TXNDC16: variants seen among roughly 807,000 people sequenced by gnomAD.
TXNDC16 encodes thioredoxin domain-containing protein 16.
TXNDC16 carries 74 observed loss-of-function variants against 85.6 expected under a neutral mutation model. The ratio of observed to expected loss-of-function variants is 0.86; its 90% CI spans 0.72 to 1.05. The LOEUF (loss-of-function observed/expected upper bound fraction) is 1.05, where lower values mean the gene tolerates loss of function less well. Among genes scored for constraint, TXNDC16 ranks in the 50% least tolerant of loss-of-function variants. TXNDC16 has a pLI of 0.00. For missense variants in TXNDC16, 959 were observed against 947.0 expected (o/e 1.01, Z -0.17); for synonymous variants, 335 against 326.5 (o/e 1.03, Z -0.28).
chr14:52,476,634 G>C, intron 14 of TXNDC16, among the ~76,000 whole-genome samples: 1 of 151,980 alleles, frequency 6.6e-6, no homozygotes, highest in African/African-American at 2.4e-5. Flanking sequence ...ATGCAACAAA[G>C]ACAAAGAAAA....
chr14:52,512,713 A>G (rs2036985303), intron 8 of TXNDC16, among the ~76,000 whole-genome samples: 1 of 152,234 alleles, frequency 6.6e-6, no homozygotes, highest in Admixed American at 6.5e-5. Context: ...ACAGAATATA[A>G]GGAAAATTCA....
intron 6 of TXNDC16, among the ~76,000 whole-genome samples, 162 bp downstream of exon 6, chr14:52,536,557 T>C (rs1235678074): frequency 6.6e-6 from 1 of 152,224 alleles, no homozygotes; most frequent in Non-Finnish European, 1.5e-5. Flanking sequence ...AAAAATTTTT[T>C]AGATCCTCGA....
At chr14:52,484,741 C>T (rs921656723) in intron 12 of TXNDC16, among the ~76,000 whole-genome samples, 10 of 151,994 alleles carry the variant, frequency 6.6e-5, no homozygotes, top group Non-Finnish European at 1.3e-4. Flanking sequence ...ATTAGCAGGG[C>T]ATGGTGGCGC....
intron 1 of TXNDC16, among the ~76,000 whole-genome samples, chr14:52,550,602 A>G (rs1379141528): frequency 6.6e-6 from 1 of 152,236 alleles, no homozygotes; most frequent in African/African-American, 2.4e-5. Context: ...CTCACAGGCC[A>G]AGACCTAAAA....
chr14:52,497,727 A>C (rs1033279933), intron 9 of TXNDC16, among the ~76,000 whole-genome samples: 1 of 152,102 alleles, frequency 6.6e-6, no homozygotes, highest in Non-Finnish European at 1.5e-5. Flanking sequence ...TAAAATACAA[A>C]AAATTAGCCA....
At chr14:52,478,343 T>C (rs2036065078) in intron 14 of TXNDC16, among the ~76,000 whole-genome samples, 1 of 151,844 alleles carries the variant, frequency 6.6e-6, no homozygotes, top group Non-Finnish European at 1.5e-5. Flanking sequence ...CAGAACTAAA[T>C]GAAATTGAAA....
chr14:52,440,815 A>ACAAACTAAAATT, intron 18 of TXNDC16, 91 bp from the exon 19 acceptor site: 2 of 1,240,824 alleles, frequency 1.6e-6, no homozygotes, highest in Non-Finnish European at 2.2e-6. Flanking sequence ...AGTCAATTTT[A>ACAAACTAAAATT]GTTTGTAAAA....
At chr14:52,446,032 C>T (rs781384) in intron 18 of TXNDC16, among the ~76,000 whole-genome samples, 15,557 of 152,144 alleles carry the variant, frequency 0.1, 945 homozygotes, top group East Asian at 0.18. Flanking sequence ...TACCAGTCAT[C>T]CCCTCTTCCC....
chr14:52,537,647 G>C lies in TXNDC16; in HGVS notation c.269C>G (p.Ser90Ter). ...AKVNCVKEEI[S>*]RYCGKEKDLM... ...ATCCTTTTCTTTTCCACAGTATCTT[G>C]ATATTTCTTCTTTGACACAATTAAC... is the stretch of plus-strand genomic sequence containing the variant. Residue 90 changes from serine to a stop codon, truncating the protein, a stop_gained, in exon 5 of 21, where the codon TCA becomes TGA. Coordinates refer to ENST00000281741, the MANE Select transcript of TXNDC16 (RefSeq NM_020784.3). LOFTEE classifies it high-confidence loss of function. 1 of 1,589,838 alleles carries C rather than the reference G, an allele frequency of 6.3e-7. No homozygotes were observed. Among genetic ancestry groups the C allele is most frequent in the Non-Finnish European group, 8.6e-7 (1 of 1,160,280 alleles).
chr14:52,519,412 G>C (rs1171372074), intron 6 of TXNDC16, 119 bp from the exon 7 acceptor site: 1 of 697,474 alleles, frequency 1.4e-6, no homozygotes, highest in Non-Finnish European at 2.3e-6. Context: ...ATTATCAGTA[G>C]TAATAATGTA....
At chr14:52,510,867 A>G (rs2036938320) in intron 9 of TXNDC16, among the ~76,000 whole-genome samples, 1 of 152,204 alleles carries the variant, frequency 6.6e-6, no homozygotes, top group African/African-American at 2.4e-5. Flanking sequence ...CAAAGCATTC[A>G]TAAAAGAGGT....
chr14:52,453,058 A>C (rs2035449042), intron 18 of TXNDC16, among the ~76,000 whole-genome samples: 1 of 152,190 alleles, frequency 6.6e-6, no homozygotes, highest in Non-Finnish European at 1.5e-5. Flanking sequence ...ATACATACAA[A>C]CAGCAAACAG....
intron 6 of TXNDC16, among the ~76,000 whole-genome samples, chr14:52,524,772 G>A (rs900245782): frequency 1.3e-5 from 2 of 152,020 alleles, no homozygotes; most frequent in African/African-American, 4.8e-5. Context: ...TGGGATTACA[G>A]TGTGCGCCAC....
Position 52,517,708 on chromosome 14 carries a change from C to A in TXNDC16, c.514+1464G>T, listed in dbSNP as rs191529645. Among the ~76,000 whole-genome samples, 43 of 152,198 alleles carry A rather than the reference C, an allele frequency of 2.8e-4. 1 individual carries two copies. Among genetic ancestry groups the A allele is most frequent in the Admixed American group, 1.8e-3 (28 of 15,284 alleles). On this transcript the variant is annotated intron_variant, in intron 7 of 20. Coordinates refer to ENST00000281741, the MANE Select transcript of TXNDC16 (RefSeq NM_020784.3). ...GAAAACTTTGCTCCACCAACTCCCC[C>A]CTTTTTCCTGTGTGAGGCATTTCCC...
chr14:52,440,794 T>G (rs780131537), intron 18 of TXNDC16, 70 bp from the exon 19 acceptor site: 10 of 1,379,076 alleles, frequency 7.3e-6, no homozygotes, highest in Non-Finnish European at 8.9e-6. Context: ...CAGAAGACAT[T>G]CAAATCACTC....
chr14:52,547,054 T>C (rs1594770253), intron 1 of TXNDC16, among the ~76,000 whole-genome samples: 2 of 152,338 alleles, frequency 1.3e-5, no homozygotes, highest in African/African-American at 4.8e-5. Context: ...TGTGTGATGG[T>C]TGCTGTTGGT....
chr14:52,497,956 G>A (rs2036571319), intron 9 of TXNDC16, among the ~76,000 whole-genome samples: 1 of 151,310 alleles, frequency 6.6e-6, no homozygotes, highest in African/African-American at 2.4e-5. Flanking sequence ...TGAGCAAGAG[G>A]GATTTATGCT....
intron 14 of TXNDC16, among the ~76,000 whole-genome samples, chr14:52,472,420 T>C (rs1204332268): frequency 6.6e-6 from 1 of 152,102 alleles, no homozygotes; most frequent in Admixed American, 6.5e-5. Context: ...AGGATGGTCC[T>C]GATCTGACCT....
At chr14:52,442,314 A>G (rs1321114578) in intron 18 of TXNDC16, among the ~76,000 whole-genome samples, 2 of 152,208 alleles carry the variant, frequency 1.3e-5, no homozygotes, top group East Asian at 3.8e-4. Context: ...CCCAGCTGAC[A>G]TATGGGGAAG....
Sources: allele counts gnomAD v4.1 joint callset (sites outside exome capture counted in the v4.1 genomes callset), GRCh38; gene constraint gnomAD v4.1.1; transcripts MANE v1.5; gene names NCBI Gene and HGNC (gene_info 2026-07-23, HGNC 2026-07-21).